Variants in DNER observed in about 807,000 individuals in gnomAD.
DNER encodes delta/notch like EGF repeat containing, also known as delta and Notch-like epidermal growth factor-related receptor.
Under a neutral mutation model 78.2 loss-of-function variants are expected in DNER, and 33 were observed. The ratio of observed to expected loss-of-function variants is 0.42; its 90% confidence interval spans 0.32 to 0.56. The LOEUF is 0.56. Among genes scored for constraint, DNER ranks in the 20% least tolerant of loss-of-function variants. The pLI is 0.11. For missense variants in DNER, 918 were observed against 975.3 expected (o/e 0.94, Z 0.78); for synonymous variants, 417 against 384.8 (o/e 1.08, Z -0.98).
chr2:229,366,232 T>C (rs973343411), intron 12 of DNER, among the ~76,000 whole-genome samples: 3 of 152,156 alleles, frequency 2.0e-5, no homozygotes, highest in African/African-American at 4.8e-5. Context: ...CTGTCATGAC[T>C]CTCCAAGGAG....
chr2:229,399,601 G>T (rs1174614986), intron 10 of DNER, among the ~76,000 whole-genome samples: 2 of 151,906 alleles, frequency 1.3e-5, no homozygotes, highest in African/African-American at 4.8e-5. Context: ...AAAAAATAAG[G>T]TGGTAGGAAT....
intron 5 of DNER, among the ~76,000 whole-genome samples, chr2:229,514,847 G>C (rs1695938006): frequency 6.6e-6 from 1 of 152,186 alleles, no homozygotes; most frequent in Admixed American, 6.5e-5. Context: ...AACAGGATAT[G>C]ACATTTAGCT....
In DNER at chr2:229,664,730, CAT is replaced by C. The variant is rs536004894; in HGVS notation, c.276+49416_276+49417del. Among the ~76,000 whole-genome samples the C allele has an allele frequency of 5.3e-3, 800 of 152,260 alleles. 5 individuals are homozygous for C. Among genetic ancestry groups the C allele is most frequent in the South Asian group, 0.017 (84 of 4,830 alleles). ...TAAGACTTGACTCCAAAATTCATGA[CAT>C]GTCTATTTCACATTGCTTTCCTTCA... On this transcript the variant is annotated intron_variant, in intron 1 of 12. Transcript: ENST00000341772.
chr2:229,702,789 C>A (rs1335123663), intron 1 of DNER, among the ~76,000 whole-genome samples: 2 of 146,866 alleles, frequency 1.4e-5, no homozygotes, highest in Non-Finnish European at 3.0e-5. Flanking sequence ...TGGTGGCGGG[C>A]GCCTGTAGTC....
rs1474124492 is a variant in DNER at position 229,388,408 on chromosome 2, A to C, written c.1724-12T>G. 2 of 1,600,198 alleles carry C rather than the reference A, an allele frequency of 1.2e-6. No individual in the cohort carries two copies. Among genetic ancestry groups the C allele is most frequent in the Non-Finnish European group, 8.5e-7 (1 of 1,173,578 alleles). On this transcript the variant is annotated splice_polypyrimidine_tract_variant and intron_variant, in intron 10 of 12. Coordinates refer to ENST00000341772, the MANE Select transcript of DNER (RefSeq NM_139072.4). ...GTCGCACTCTTCACCTAGGGAGATA[A>C]GAAAAAGCAGTGGTGAAACCGCTGC... is the stretch of plus-strand genomic sequence containing the variant.
At chr2:229,360,488 C>G (rs560449411) in intron 12 of DNER, among the ~76,000 whole-genome samples, 2 of 152,084 alleles carry the variant, frequency 1.3e-5, no homozygotes, top group Non-Finnish European at 2.9e-5. Flanking sequence ...TCGGCTCACG[C>G]GGCAAGCTCC....
intron 1 of DNER, among the ~76,000 whole-genome samples, chr2:229,710,300 T>C (rs954201586): frequency 2.6e-5 from 4 of 152,226 alleles, no homozygotes; most frequent in Admixed American, 6.5e-5. Context: ...TTGCTCCCTA[T>C]TGTAACTATG....
At chr2:229,554,520 C>T (rs901162123) in intron 4 of DNER, among the ~76,000 whole-genome samples, 3 of 152,092 alleles carry the variant, frequency 2.0e-5, no homozygotes, top group African/African-American at 7.2e-5. Flanking sequence ...GCTGAAACTC[C>T]ATCTGTACTA....
intron 1 of DNER, among the ~76,000 whole-genome samples, chr2:229,648,636 T>C (rs977006617): frequency 6.6e-6 from 1 of 152,246 alleles, no homozygotes; most frequent in African/African-American, 2.4e-5. Flanking sequence ...TATCTAGTTT[T>C]CCAAAGAATT....
chr2:229,534,739 T>C (rs1696371612), intron 5 of DNER, among the ~76,000 whole-genome samples: 1 of 152,248 alleles, frequency 6.6e-6, no homozygotes. Flanking sequence ...TATTGTTTTG[T>C]TTTAGAACTA....
intron 9 of DNER, among the ~76,000 whole-genome samples, chr2:229,416,723 T>C (rs1243787899): frequency 1.3e-5 from 2 of 152,144 alleles, no homozygotes; most frequent in African/African-American, 4.8e-5. Flanking sequence ...CCCCTGTTCT[T>C]GTGGTTAAGC....
At chr2:229,667,386 G>A (rs1006018433) in intron 1 of DNER, among the ~76,000 whole-genome samples, 4 of 152,192 alleles carry the variant, frequency 2.6e-5, no homozygotes, top group Non-Finnish European at 5.9e-5. Context: ...AAAAGGAAGC[G>A]ATGTATGAGG....
Position 229,388,295 on chromosome 2 carries a change from G to T in DNER, c.1825C>A (p.His609Asn). ...QPNGYNCHCP[H>N]GWVGANCEIH... Reference sequence around the variant, plus strand: ...TCACAGTTTGCTCCCACCCAACCATGCGGGCAGTGGCAGTTATAACCATTG... The same window carrying T: ...TCACAGTTTGCTCCCACCCAACCATTCGGGCAGTGGCAGTTATAACCATTG... The change falls in exon 11 of 13, where the codon CAT (histidine) becomes AAT (asparagine). Residue 609 changes from histidine to asparagine, a missense_variant. Physicochemically the swap from His to Asn is moderately conservative, Grantham distance 68. Transcript: ENST00000341772. 1.2e-6 allele frequency: 2 copies of T among 1,610,914 alleles called. No individual in the cohort carries two copies. Among genetic ancestry groups the T allele is most frequent in the Non-Finnish European group, 1.7e-6 (2 of 1,178,382 alleles).
intron 8 of DNER, among the ~76,000 whole-genome samples, chr2:229,425,133 T>C (rs535997996): frequency 8.1e-4 from 124 of 152,234 alleles, no homozygotes; most frequent in African/African-American, 2.9e-3. Flanking sequence ...GGGTTTGACA[T>C]AACACAGTCC....
chr2:229,369,306 TA>T (rs1367643052), intron 11 of DNER, among the ~76,000 whole-genome samples: 15 of 149,066 alleles, frequency 1.0e-4, no homozygotes, highest in African/African-American at 2.7e-4. Context: ...TCTAAAAAGT[TA>T]AAAAAAAGTT....
intron 1 of DNER, among the ~76,000 whole-genome samples, chr2:229,670,798 G>T (rs371469279): frequency 1.3e-5 from 2 of 152,172 alleles, no homozygotes; most frequent in South Asian, 2.1e-4. Flanking sequence ...CGTAAATGTG[G>T]CTACTTTGAG....
At chr2:229,390,318 GTC>G (rs1692986725) in intron 10 of DNER, among the ~76,000 whole-genome samples, 1 of 152,222 alleles carries the variant, frequency 6.6e-6, no homozygotes, top group South Asian at 2.1e-4. Context: ...GCTTCACGAA[GTC>G]CAATGTCAAT....
intron 1 of DNER, 148 bp downstream of exon 1, chr2:229,714,000 C>T: frequency 1.2e-6 from 1 of 867,984 alleles, no homozygotes; most frequent in Non-Finnish European, 1.5e-6. Context: ...CGCGTCCACG[C>T]GGGCCAAGAG....
intron 7 of DNER, among the ~76,000 whole-genome samples, chr2:229,450,886 C>T (rs979509555): frequency 6.6e-6 from 1 of 152,198 alleles, no homozygotes; most frequent in African/African-American, 2.4e-5. Flanking sequence ...AGTCCTTGGT[C>T]ACAGCAGCCT....
Sources: gnomAD v4.1 joint callset for allele counts (sites outside exome capture counted in the v4.1 genomes callset) on GRCh38, gnomAD v4.1.1 for gene constraint, MANE v1.5 for transcripts, NCBI Gene and HGNC (gene_info 2026-07-23, HGNC 2026-07-21) for gene names.